The following CNTNAP5 variants were observed in gnomAD, a reference collection of about 807,000 sequenced individuals.
The protein encoded by CNTNAP5 is contactin-associated protein-like 5.
A neutral mutation model predicts 150.2 loss-of-function variants in CNTNAP5; 72 were observed. The ratio of observed to expected loss-of-function variants is 0.48; its 90% CI spans 0.40 to 0.58. CNTNAP5 has a LOEUF of 0.58. Ranked by LOEUF, CNTNAP5 falls within the 20% of genes least tolerant of loss-of-function variation. The pLI is 0.00. For synonymous variants in CNTNAP5, 672 were observed against 619.8 expected (o/e 1.08, Z -1.25); for missense variants, 1,636 against 1,626.2 (o/e 1.01, Z -0.10).
intron 3 of CNTNAP5, among the ~76,000 whole-genome samples, chr2:124,358,791 T>A (rs1409770074): frequency 6.6e-6 from 1 of 151,784 alleles, no homozygotes; most frequent in Non-Finnish European, 1.5e-5. Context: ...TCTGCCAGGC[T>A]TTGGTATCAG....
chr2:124,684,055 T>C (rs1679129896), intron 13 of CNTNAP5, among the ~76,000 whole-genome samples: 1 of 152,206 alleles, frequency 6.6e-6, no homozygotes, highest in African/African-American at 2.4e-5. Context: ...ACAGACCATT[T>C]GCAAAATTAA....
chr2:124,366,648 A>AT lies in CNTNAP5; in HGVS notation c.382-50791dup, dbSNP rs142316155. 4.4e-3 allele frequency among the ~76,000 whole-genome samples: 668 copies of AT among 152,282 alleles called. 7 individuals are homozygous for AT. Among genetic ancestry groups the AT allele is most frequent in the Middle Eastern group, 0.024 (7 of 294 alleles). On this transcript the variant is annotated intron_variant, in intron 3 of 23. Transcript: ENST00000682447. ...GCCCAATTCTACCCCTCCAGGTGTTATTTTAATGACAAACCACAGCAACAT... is the reference window on the plus strand; with the variant it reads ...GCCCAATTCTACCCCTCCAGGTGTTATTTTTAATGACAAACCACAGCAACAT...
chr2:124,469,977 G>A (rs1558916571), intron 6 of CNTNAP5, among the ~76,000 whole-genome samples: 1 of 152,124 alleles, frequency 6.6e-6, no homozygotes, highest in Non-Finnish European at 1.5e-5. Flanking sequence ...GTCTATCATT[G>A]ATGGACATTT....
rs182379799 is a variant in CNTNAP5, at chr2:124,753,076, T to C, written c.2234+5691T>C. 4.4e-3 allele frequency among the ~76,000 whole-genome samples: 669 copies of C among 152,308 alleles called. 4 individuals are homozygous for C. Among genetic ancestry groups the C allele is most frequent in the South Asian group, 0.025 (122 of 4,822 alleles). The stretch of plus-strand genomic sequence containing the variant: ...TAGAAGAAAGTACAGAAGTTTTCAT[T>C]TGATTTTTAGTAACTCTGTTCTTTG... On this transcript the variant is annotated intron_variant, in intron 14 of 23. Transcript: ENST00000682447.
At chr2:124,089,538 C>G (rs1173486185) in intron 1 of CNTNAP5, among the ~76,000 whole-genome samples, 1 of 152,148 alleles carries the variant, frequency 6.6e-6, no homozygotes, top group Non-Finnish European at 1.5e-5. Flanking sequence ...ATTAATTTCT[C>G]TAATACTTTC....
chr2:124,315,399 C>A (rs1332522935), intron 3 of CNTNAP5, among the ~76,000 whole-genome samples: 1 of 152,082 alleles, frequency 6.6e-6, no homozygotes, highest in Non-Finnish European at 1.5e-5. Context: ...CCATCTGGCC[C>A]TGTGGTTTTC....
At chr2:124,556,991 A>G (rs1411939636) in intron 10 of CNTNAP5, among the ~76,000 whole-genome samples, 1 of 151,094 alleles carries the variant, frequency 6.6e-6, no homozygotes, top group African/African-American at 2.4e-5. Flanking sequence ...AATGCTAGAT[A>G]TTCTCCTGCC....
chr2:124,434,431 C>T (rs1692471937), intron 4 of CNTNAP5, 53 bp from the exon 5 acceptor site: 2 of 1,271,948 alleles, frequency 1.6e-6, no homozygotes, highest in Middle Eastern at 1.9e-4. Context: ...ACAGTAACAG[C>T]AGTCATGAGA....
chr2:124,284,328 C>T (rs1402810092), intron 3 of CNTNAP5, among the ~76,000 whole-genome samples: 1 of 152,098 alleles, frequency 6.6e-6, no homozygotes, highest in Non-Finnish European at 1.5e-5. Flanking sequence ...GTCAGGGAGG[C>T]CCCCAGATGT....
intron 13 of CNTNAP5, among the ~76,000 whole-genome samples, chr2:124,721,645 A>G (rs930651981): frequency 6.6e-6 from 1 of 152,096 alleles, no homozygotes; most frequent in African/African-American, 2.4e-5. Context: ...CAAATGTATT[A>G]CCCTATTTAT....
intron 11 of CNTNAP5, among the ~76,000 whole-genome samples, chr2:124,585,256 G>GAA (rs1696502632): frequency 6.6e-6 from 1 of 152,164 alleles, no homozygotes; most frequent in Admixed American, 6.5e-5. Flanking sequence ...AGAGAGAGAA[G>GAA]AAAATGAGAA....
intron 8 of CNTNAP5, among the ~76,000 whole-genome samples, chr2:124,517,274 G>A (rs543593496): frequency 1.3e-5 from 2 of 150,164 alleles, no homozygotes; most frequent in South Asian, 2.2e-4. Context: ...TGTGGTGGTG[G>A]TGATGAGGGT....
chr2:124,330,330 G>A (rs1400911373), intron 3 of CNTNAP5, among the ~76,000 whole-genome samples: 4 of 152,160 alleles, frequency 2.6e-5, no homozygotes, highest in African/African-American at 9.7e-5. Context: ...ATGAACTTAT[G>A]CAAATAACTA....
chr2:124,557,702 G>T (rs950424865), intron 10 of CNTNAP5, among the ~76,000 whole-genome samples: 1 of 152,100 alleles, frequency 6.6e-6, no homozygotes, highest in Non-Finnish European at 1.5e-5. Flanking sequence ...AAATAAAATG[G>T]CAGGAAAAGA....
intron 4 of CNTNAP5, among the ~76,000 whole-genome samples, chr2:124,431,757 C>A (rs978273972): frequency 2.0e-5 from 3 of 149,960 alleles, no homozygotes; most frequent in African/African-American, 7.3e-5. Flanking sequence ...AATCCAAATT[C>A]TCTCACTGCT....
chr2:124,666,561 T>A (rs995877113), intron 13 of CNTNAP5, among the ~76,000 whole-genome samples: 1 of 152,188 alleles, frequency 6.6e-6, no homozygotes, highest in Non-Finnish European at 1.5e-5. Flanking sequence ...CTTCCCATCA[T>A]GACAGGGAAT....
intron 1 of CNTNAP5, among the ~76,000 whole-genome samples, chr2:124,027,408 A>T (rs938446624): frequency 1.8e-4 from 27 of 152,208 alleles, no homozygotes; most frequent in Non-Finnish European, 3.8e-4. Context: ...AAGAGTGAAT[A>T]CTTTGAAAAG....
intron 19 of CNTNAP5, among the ~76,000 whole-genome samples, chr2:124,803,164 A>C (rs995915681): frequency 6.6e-6 from 1 of 152,062 alleles, no homozygotes; most frequent in African/African-American, 2.4e-5. Context: ...AGTTAAAAAA[A>C]CGAATGTCAT....
chr2:124,528,157 G>A (rs1695020099), intron 10 of CNTNAP5, among the ~76,000 whole-genome samples: 1 of 152,148 alleles, frequency 6.6e-6, no homozygotes, highest in South Asian at 2.1e-4. Flanking sequence ...GCTCACCCTT[G>A]TCAAAATATC....
Sources: allele counts gnomAD v4.1 joint callset (sites outside exome capture counted in the v4.1 genomes callset), GRCh38; gene constraint gnomAD v4.1.1; transcripts MANE v1.5; gene names NCBI Gene and HGNC (gene_info 2026-07-23, HGNC 2026-07-21).